Variants in CDH12 observed in about 807,000 individuals in gnomAD.
CDH12 encodes cadherin-12.
A neutral mutation model predicts 74.1 loss-of-function variants in CDH12; 41 were observed. That is an observed-to-expected ratio of 0.55 (90% CI 0.43 to 0.72). CDH12 has a LOEUF of 0.72. Among genes scored for constraint, CDH12 ranks in the 30% least tolerant of loss-of-function variants. The probability of loss-of-function intolerance (pLI) is 0.00; values close to 1 mark genes in which losing one functional copy is unlikely to be tolerated. For missense variants in CDH12, 945 were observed against 977.2 expected, an observed-to-expected ratio of 0.97 and a Z score of 0.44; for synonymous variants, 399 against 355.0, an observed-to-expected ratio of 1.12 and a Z score of -1.39.
chr5:21,979,119 T>C (rs1757197026), intron 5 of CDH12, among the ~76,000 whole-genome samples: 1 of 152,208 alleles, frequency 6.6e-6, no homozygotes, highest in South Asian at 2.1e-4. Context: ...AAGCTAATAA[T>C]TCCACAAAAA....
At chr5:22,698,744 G>A (rs1742555662) in intron 1 of CDH12, among the ~76,000 whole-genome samples, 4 of 110,652 alleles carry the variant, frequency 3.6e-5, no homozygotes, top group African/African-American at 1.4e-4. Flanking sequence ...TAGTGTGTGT[G>A]TGTGTGTGTG....
intron 5 of CDH12, among the ~76,000 whole-genome samples, chr5:22,054,280 A>G (rs1740588245): frequency 6.6e-6 from 1 of 152,188 alleles, no homozygotes; most frequent in Non-Finnish European, 1.5e-5. Context: ...TAAAAGTTAT[A>G]GGTATTTTCT....
At chr5:22,171,338 G>A (rs1227195295) in intron 4 of CDH12, among the ~76,000 whole-genome samples, 3 of 151,860 alleles carry the variant, frequency 2.0e-5, no homozygotes, top group Admixed American at 2.0e-4. Context: ...AAATGTACTA[G>A]ATGGCTATTA....
chr5:22,816,333 G>A (rs988168349), intron 1 of CDH12, among the ~76,000 whole-genome samples: 1 of 152,058 alleles, frequency 6.6e-6, no homozygotes, highest in Non-Finnish European at 1.5e-5. Flanking sequence ...TCAAACCAAG[G>A]GCTAGTCCGT....
intron 1 of CDH12, among the ~76,000 whole-genome samples, chr5:22,774,090 A>T (rs1447120361): frequency 6.6e-6 from 1 of 152,170 alleles, no homozygotes; most frequent in Non-Finnish European, 1.5e-5. Context: ...AGGAGTTTGA[A>T]AAGGAATTAC....
chr5:22,014,112 A>C (rs533789875), intron 5 of CDH12, among the ~76,000 whole-genome samples: 1 of 152,290 alleles, frequency 6.6e-6, no homozygotes, highest in South Asian at 2.1e-4. Context: ...CTGTAATTTC[A>C]GCTACTTGGG....
In CDH12 at chr5:22,635,288, A is replaced by C. The variant is rs375165160; in HGVS notation, c.-522-129924T>G. Reference sequence around the variant, plus strand: ...AGTGAGTGCTGGGACGAACAGATACACACATGCAAAAGAATGAAGTCAGAC... The same window carrying C: ...AGTGAGTGCTGGGACGAACAGATACCCACATGCAAAAGAATGAAGTCAGAC... On this transcript the variant is annotated intron_variant, in intron 1 of 14. Coordinates refer to ENST00000382254, the MANE Select transcript of CDH12 (RefSeq NM_004061.5). Among the ~76,000 whole-genome samples the C allele has an allele frequency of 1.9e-4, 29 of 152,316 alleles. 1 individual carries two copies. The South Asian group carries it at 2.7e-3, about 14-fold the overall frequency.
chr5:22,151,131 T>A (rs2150309572), intron 4 of CDH12, among the ~76,000 whole-genome samples: 1 of 152,292 alleles, frequency 6.6e-6, no homozygotes. Flanking sequence ...CCACACCCAT[T>A]TTACTCATGT....
chr5:22,339,968 T>A (rs767427290), intron 3 of CDH12, among the ~76,000 whole-genome samples: 2 of 152,204 alleles, frequency 1.3e-5, no homozygotes, highest in Non-Finnish European at 2.9e-5. Context: ...TGCATATGTG[T>A]ATGTATGTAT....
intron 2 of CDH12, among the ~76,000 whole-genome samples, chr5:22,450,312 A>G (rs1021471454): frequency 2.6e-5 from 4 of 151,880 alleles, no homozygotes; most frequent in Admixed American, 6.6e-5. Flanking sequence ...CCCCACGTCA[A>G]TAAACACCTA....
intron 3 of CDH12, among the ~76,000 whole-genome samples, chr5:22,293,432 A>G (rs191416544): frequency 2.0e-5 from 3 of 152,338 alleles, no homozygotes; most frequent in African/African-American, 7.2e-5. Context: ...AATTAAAACT[A>G]GAACTACCAT....
intron 9 of CDH12, among the ~76,000 whole-genome samples, chr5:21,808,828 G>A (rs1052141599): frequency 6.6e-6 from 1 of 151,966 alleles, no homozygotes. Context: ...TAAAAAAGCT[G>A]TATTTGATGA....
chr5:22,719,477 T>A (rs1162392278), intron 1 of CDH12, among the ~76,000 whole-genome samples: 1 of 152,182 alleles, frequency 6.6e-6, no homozygotes, highest in Non-Finnish European at 1.5e-5. Context: ...AAAGTTAATG[T>A]GGTCATGAGG....
intron 1 of CDH12, among the ~76,000 whole-genome samples, chr5:22,792,352 G>C (rs1447929195): frequency 6.6e-6 from 1 of 152,142 alleles, no homozygotes; most frequent in Non-Finnish European, 1.5e-5. Context: ...GCCTCCCAAA[G>C]TGCTGGGACT....
chr5:22,707,144 G>A lies in CDH12; in HGVS notation c.-523+145914C>T, dbSNP rs1743051774. 1.3e-5 allele frequency among the ~76,000 whole-genome samples: 2 copies of A among 152,146 alleles called. 1 individual carries two copies. Among genetic ancestry groups the A allele is most frequent in the South Asian group, 4.1e-4 (2 of 4,834 alleles). ...CCCCACCCACATTACACAGCAGAGT[G>A]ATTCAAGAAGACACAACATTAAGCC... On this transcript the variant is annotated intron_variant, in intron 1 of 14. Transcript: ENST00000382254.
At chr5:22,626,699 C>A (rs1040758989) in intron 1 of CDH12, among the ~76,000 whole-genome samples, 3 of 152,174 alleles carry the variant, frequency 2.0e-5, no homozygotes, top group Non-Finnish European at 2.9e-5. Context: ...TGTCTTCTTA[C>A]CTCTGAATGA....
At chr5:21,902,236 TC>T (rs1753422957) in intron 6 of CDH12, among the ~76,000 whole-genome samples, 1 of 151,350 alleles carries the variant, frequency 6.6e-6, no homozygotes, top group African/African-American at 2.4e-5. Flanking sequence ...AGGTGCTCTC[TC>T]TCTCTCTACA....
intron 13 of CDH12, among the ~76,000 whole-genome samples, chr5:21,759,373 A>G (rs374659612): frequency 3.9e-5 from 6 of 151,982 alleles, no homozygotes; most frequent in Non-Finnish European, 1.5e-5. Flanking sequence ...TTAAGTAGCA[A>G]ATTCTCATTA....
intron 4 of CDH12, among the ~76,000 whole-genome samples, chr5:22,147,767 C>CACAAG: frequency 1.3e-5 from 2 of 152,146 alleles, no homozygotes; most frequent in Middle Eastern, 6.8e-3. Context: ...TATTCACTAC[C>CACAAG]ACAAGAACAG....
Sources: gnomAD v4.1 joint callset for allele counts (sites outside exome capture counted in the v4.1 genomes callset) on GRCh38, gnomAD v4.1.1 for gene constraint, MANE v1.5 for transcripts, NCBI Gene and HGNC (gene_info 2026-07-23, HGNC 2026-07-21) for gene names.